Variants in MIGA1 observed in about 807,000 individuals in gnomAD.
The protein encoded by MIGA1 is family with sequence similarity 73, member A.
In MIGA1, 58 loss-of-function variants were observed where a neutral mutation model predicts 82.0. The ratio of observed to expected loss-of-function variants is 0.71; its 90% CI spans 0.57 to 0.88. The LOEUF is 0.88. Among genes scored for constraint, MIGA1 ranks in the 40% least tolerant of loss-of-function variants. The pLI is 0.00. For synonymous variants in MIGA1, 249 were observed against 253.6 expected, an observed-to-expected ratio of 0.98 and a Z score of 0.17; for missense variants, 751 against 749.1, an observed-to-expected ratio of 1.00 and a Z score of -0.03.
At chr1:77,816,202 C>A (rs1043836549) in intron 7 of MIGA1, among the ~76,000 whole-genome samples, 1 of 152,240 alleles carries the variant, frequency 6.6e-6, no homozygotes, top group Admixed American at 6.5e-5. Flanking sequence ...CCTCAGCCTC[C>A]CAAAGTGCTG....
intron 7 of MIGA1, among the ~76,000 whole-genome samples, chr1:77,821,526 G>A (rs184430949): frequency 1.8e-3 from 280 of 151,902 alleles, no homozygotes; most frequent in African/African-American, 6.6e-3. Flanking sequence ...CTCCTGAGTA[G>A]TTGGGATTAC....
chr1:77,797,592 T>A (rs1483268230), intron 2 of MIGA1, among the ~76,000 whole-genome samples: 2 of 152,194 alleles, frequency 1.3e-5, no homozygotes, highest in Non-Finnish European at 2.9e-5. Flanking sequence ...AAAATTCCTA[T>A]AATCCATGAA....
At chr1:77,868,613 TTAAA>T (rs1199134523) in intron 14 of MIGA1, 1 of 152,252 alleles carries the variant, frequency 6.6e-6, no homozygotes, top group Non-Finnish European at 1.5e-5. Flanking sequence ...CCCTCTGTAC[TTAAA>T]TAAATCTTAC....
chr1:77,830,009 C>T (rs1340088357), intron 7 of MIGA1, among the ~76,000 whole-genome samples: 7 of 150,512 alleles, frequency 4.7e-5, no homozygotes, highest in African/African-American at 1.7e-4. Context: ...CTTTATATAG[C>T]TTTATAATAA....
intron 7 of MIGA1, among the ~76,000 whole-genome samples, chr1:77,828,859 A>G (rs981866028): frequency 6.6e-6 from 1 of 152,000 alleles, no homozygotes. Context: ...TATTTTTTGT[A>G]GACATGGGAG....
rs1239818148 is a variant in MIGA1, at chr1:77,783,274, G to A, written c.118G>A (p.Glu40Lys). The change falls in exon 2 of 16, where the codon GAA (glutamate) becomes AAA (lysine). Residue 40 changes from glutamate to lysine, a missense_variant. By Grantham distance (56) the Glu-to-Lys change is moderately conservative. Coordinates refer to ENST00000370791, the MANE Select transcript of MIGA1 (RefSeq NM_198549.4). ...AGCCATGTCAGAAGAAACAGTAAGT[G>A]AATCACAGTTTTCCTTGAAGACAGC... The A allele has an allele frequency of 6.3e-7, 1 of 1,593,796 alleles. No homozygotes were observed. The highest frequency in any genetic ancestry group is 1.1e-5 in the South Asian group (1 of 88,080).
chr1:77,864,381 CAAAA>C (rs1049127633), intron 13 of MIGA1, among the ~76,000 whole-genome samples: 6 of 149,820 alleles, frequency 4.0e-5, no homozygotes, highest in Non-Finnish European at 8.9e-5. Context: ...AACAAACAAA[CAAAA>C]AAGTGGTTGG....
At chr1:77,820,542 C>T (rs529671875) in intron 7 of MIGA1, among the ~76,000 whole-genome samples, 2 of 152,196 alleles carry the variant, frequency 1.3e-5, no homozygotes, top group Admixed American at 6.5e-5. Context: ...TGTATTGGCT[C>T]GGAATTTGGA....
At chr1:77,848,053 C>T (rs1414325452) in intron 8 of MIGA1, 1 of 1,291,004 alleles carries the variant, frequency 7.7e-7, no homozygotes, top group Non-Finnish European at 1.1e-6. Context: ...ACGAAAGGAT[C>T]ACGAACATCG....
chr1:77,791,259 A>AC (rs201063406), intron 2 of MIGA1, among the ~76,000 whole-genome samples: 2,494 of 150,698 alleles, frequency 0.017, 69 homozygotes, highest in African/African-American at 0.057. Context: ...AAAAAAAAAA[A>AC]AAAAAACAAA....
At chr1:77,832,676 T>G (rs1301897597) in intron 7 of MIGA1, among the ~76,000 whole-genome samples, 1 of 152,206 alleles carries the variant, frequency 6.6e-6, no homozygotes, top group Non-Finnish European at 1.5e-5. Flanking sequence ...TTCTTTGATA[T>G]GTTTTGGAAA....
At chr1:77,821,025 T>G (rs771000424) in intron 7 of MIGA1, among the ~76,000 whole-genome samples, 10 of 152,028 alleles carry the variant, frequency 6.6e-5, no homozygotes, top group Non-Finnish European at 1.5e-4. Flanking sequence ...TCCCAGCTAC[T>G]TGGGAGGCTG....
At chr1:77,853,557 C>T (rs555782220) in intron 8 of MIGA1, 6 of 164,396 alleles carry the variant, frequency 3.6e-5, no homozygotes, top group Non-Finnish European at 6.6e-5. Flanking sequence ...AATGAACGCT[C>T]GTCTCTATGA....
intron 12 of MIGA1, 52 bp from the exon 13 acceptor site, chr1:77,863,842 A>C: frequency 1.5e-6 from 2 of 1,344,738 alleles, no homozygotes; most frequent in Non-Finnish European, 2.0e-6. Flanking sequence ...CTCAGATTTT[A>C]TTTCAGCTCT....
intron 12 of MIGA1, among the ~76,000 whole-genome samples, chr1:77,863,272 C>A (rs1257669273): frequency 6.6e-6 from 1 of 152,198 alleles, no homozygotes; most frequent in African/African-American, 2.4e-5. Flanking sequence ...TGGGCTACAT[C>A]AGTAGTCTTT....
At chr1:77,865,137 CTTT>C (rs766912801) in intron 13 of MIGA1, among the ~76,000 whole-genome samples, 1 of 142,028 alleles carries the variant, frequency 7.0e-6, no homozygotes. Flanking sequence ...ATTTTTCTTT[CTTT>C]TTTTTTTTTT....
chr1:77,780,426 ATTG>A (rs1258558001), intron 1 of MIGA1, among the ~76,000 whole-genome samples: 2 of 152,126 alleles, frequency 1.3e-5, no homozygotes, highest in Non-Finnish European at 2.9e-5. Context: ...TTGTTGTTTT[ATTG>A]TTGTTGTTAT....
intron 14 of MIGA1, among the ~76,000 whole-genome samples, chr1:77,871,113 GGGA>G (rs1462238119): frequency 2.5e-4 from 5 of 20,408 alleles, no homozygotes; most frequent in Non-Finnish European, 8.8e-4. Context: ...GAGAGGGAGA[GGGA>G]GAGGGAGAGG....
At chr1:77,857,334 TTG>T (rs1685299061) in intron 8 of MIGA1, among the ~76,000 whole-genome samples, 2 of 152,034 alleles carry the variant, frequency 1.3e-5, no homozygotes, top group South Asian at 2.1e-4. Flanking sequence ...TTTTTTTTTT[TTG>T]TTTTTGCTTT....
Sources: allele counts gnomAD v4.1 joint callset (sites outside exome capture counted in the v4.1 genomes callset), GRCh38; gene constraint gnomAD v4.1.1; transcripts MANE v1.5; gene names NCBI Gene and HGNC (gene_info 2026-07-23, HGNC 2026-07-21).